Variants in ZNF516 observed in about 807,000 individuals in gnomAD.
The protein encoded by ZNF516 is zinc finger protein 516.
ZNF516 carries 19 observed loss-of-function variants against 79.7 expected under a neutral mutation model. The observed-to-expected ratio is 0.24, with a 90% CI of 0.17 to 0.35. The LOEUF (loss-of-function observed/expected upper bound fraction) is 0.35. ZNF516 is among the 10% of genes least tolerant of loss of function. The probability of loss-of-function intolerance (pLI) is 1.00; values close to 1 mark genes in which losing one functional copy is unlikely to be tolerated. For missense variants in ZNF516, 1,678 were observed against 1,679.5 expected, an observed-to-expected ratio of 1.00 and a Z score of 0.02; for synonymous variants, 877 against 739.5, an observed-to-expected ratio of 1.19 and a Z score of -3.02.
intron 5 of ZNF516, 65 bp downstream of exon 5, chr18:76,371,402 C>A: frequency 1.2e-5 from 17 of 1,465,228 alleles, no homozygotes; most frequent in Non-Finnish European, 1.6e-5. Context: ...GATGGTCAAG[C>A]CACTGACAGA....
chr18:76,492,102 G>A (rs1006142067), intron 1 of ZNF516: 12 of 941,296 alleles, frequency 1.3e-5, no homozygotes, highest in Non-Finnish European at 1.5e-5. Context: ...CTCCCTGCAG[G>A]GGTCTCCGGG....
At chr18:76,371,126 G>A (rs997831940) in intron 5 of ZNF516, among the ~76,000 whole-genome samples, 4 of 152,216 alleles carry the variant, frequency 2.6e-5, no homozygotes, top group Non-Finnish European at 5.9e-5. Context: ...CCAAGCCTAC[G>A]CTGTGCTAAA....
intron 1 of ZNF516, among the ~76,000 whole-genome samples, chr18:76,482,953 T>C (rs140122096): frequency 6.6e-6 from 1 of 152,328 alleles, no homozygotes; most frequent in African/African-American, 2.4e-5. Flanking sequence ...CAAAATCACC[T>C]AGTATATAGG....
At chr18:76,462,386 C>A (rs1216505193) in intron 2 of ZNF516, among the ~76,000 whole-genome samples, 1 of 152,258 alleles carries the variant, frequency 6.6e-6, no homozygotes, top group Non-Finnish European at 1.5e-5. Flanking sequence ...CAGTCCAACA[C>A]AGGCACTCCT....
At chr18:76,432,489 G>A (rs759692455) in intron 3 of ZNF516, among the ~76,000 whole-genome samples, 1 of 152,234 alleles carries the variant, frequency 6.6e-6, no homozygotes, top group Non-Finnish European at 1.5e-5. Flanking sequence ...CCTCACCTGA[G>A]CTGAAACAGA....
rs2075245719 is a variant in ZNF516, at chr18:76,402,554, GA to G, written c.1811-22252del. ...CAGGCTGTCTGAGGCCCCTGCGGGG[GA>G]CAGAGGAAGACGTTGCTTCTCCAAG... On this transcript the variant is annotated intron_variant, in intron 3 of 6. Transcript: ENST00000443185. 1.3e-5 allele frequency among the ~76,000 whole-genome samples: 2 copies of G among 152,334 alleles called. 1 individual carries two copies. The highest frequency in any genetic ancestry group is 4.8e-5 in the African/African-American group (2 of 41,580).
chr18:76,391,300 G>T (rs1001804052), intron 3 of ZNF516, among the ~76,000 whole-genome samples: 9 of 151,966 alleles, frequency 5.9e-5, no homozygotes, highest in African/African-American at 2.2e-4. Context: ...CCTAGCCATA[G>T]CAGTAGCAAT....
At chr18:76,470,394 T>C (rs1197808775) in intron 1 of ZNF516, among the ~76,000 whole-genome samples, 2 of 152,222 alleles carry the variant, frequency 1.3e-5, no homozygotes, top group African/African-American at 4.8e-5. Flanking sequence ...AGAGCTACTC[T>C]TTCTGCACTA....
In ZNF516 at chr18:76,361,376, T is replaced by C. The variant is rs1268086483; in HGVS notation, c.*1122A>G. The C allele has an allele frequency of 1.3e-5, 2 of 152,238 alleles. No individual in the cohort carries two copies. The highest frequency in any genetic ancestry group is 3.8e-4 in the East Asian group (2 of 5,198). The allele number at this position is 152,238 out of a possible 1,614,324, so 9.4% of individuals were successfully genotyped here. On this transcript the variant is annotated 3_prime_UTR_variant, in exon 7 of 7. Coordinates refer to ENST00000443185, the MANE Select transcript of ZNF516 (RefSeq NM_014643.4). Reference sequence around the variant, plus strand: ...CATTTGCATTACTGAGGAAGAGGTATATGAAGCCGTCCCCCACCCAAGGGG... The same window carrying C: ...CATTTGCATTACTGAGGAAGAGGTACATGAAGCCGTCCCCCACCCAAGGGG...
At chr18:76,391,387 A>G (rs1173072954) in intron 3 of ZNF516, among the ~76,000 whole-genome samples, 1 of 152,120 alleles carries the variant, frequency 6.6e-6, no homozygotes, top group East Asian at 1.9e-4. Context: ...CCGTGAACCA[A>G]CCATAACCCT....
intron 1 of ZNF516, among the ~76,000 whole-genome samples, chr18:76,475,055 C>T (rs1234150752): frequency 6.6e-6 from 1 of 152,168 alleles, no homozygotes; most frequent in Non-Finnish European, 1.5e-5. Flanking sequence ...AGAAACAACT[C>T]ATATATAGGC....
chr18:76,406,344 T>C (rs1480545465), intron 3 of ZNF516, among the ~76,000 whole-genome samples: 15 of 152,040 alleles, frequency 9.9e-5, no homozygotes, highest in Admixed American at 7.9e-4. Context: ...GACAGGAGGA[T>C]CACGAGATCA....
intron 3 of ZNF516, among the ~76,000 whole-genome samples, chr18:76,421,059 C>T (rs1266233683): frequency 6.6e-6 from 1 of 152,234 alleles, no homozygotes; most frequent in Non-Finnish European, 1.5e-5. Flanking sequence ...CAATTTCTAA[C>T]AGCTCCTGCC....
intron 2 of ZNF516, among the ~76,000 whole-genome samples, chr18:76,448,669 T>C (rs1048056214): frequency 1.3e-5 from 2 of 152,142 alleles, no homozygotes; most frequent in African/African-American, 2.4e-5. Context: ...GCAGGCTCCT[T>C]AGAGGTGTTC....
At chr18:76,436,702 C>A (rs2075742437) in intron 3 of ZNF516, among the ~76,000 whole-genome samples, 1 of 152,134 alleles carries the variant, frequency 6.6e-6, no homozygotes. Context: ...AGACACCCCT[C>A]CCAGCTCACC....
At chr18:76,438,496 G>T (rs757886392) in intron 3 of ZNF516, among the ~76,000 whole-genome samples, 11 of 152,118 alleles carry the variant, frequency 7.2e-5, no homozygotes, top group Non-Finnish European at 1.3e-4. Context: ...TTTCTCAGTG[G>T]AGGATTTAAA....
rs529822706 is a variant in ZNF516 at position 76,459,358 on chromosome 18, A to G, written c.-158+3670T>C. ...GGCCACCATCCACTCAACATCATTG[A>G]GCCCTCCCACAGGCACCCAAGCTCT... On this transcript the variant is annotated intron_variant, in intron 2 of 6. Coordinates refer to ENST00000443185, the MANE Select transcript of ZNF516 (RefSeq NM_014643.4). This position sits in a 1 kb window ranked among gnomAD's most constrained non-coding sequence, Gnocchi z 5.0. Among the ~76,000 whole-genome samples the G allele has an allele frequency of 1.3e-5, 2 of 152,258 alleles. No homozygotes were observed. Among genetic ancestry groups the G allele is most frequent in the East Asian group, 3.9e-4 (2 of 5,168 alleles).
At chr18:76,435,590 G>C (rs1031566316) in intron 3 of ZNF516, among the ~76,000 whole-genome samples, 2 of 152,208 alleles carry the variant, frequency 1.3e-5, no homozygotes, top group African/African-American at 4.8e-5. Context: ...GCATGTGACT[G>C]TCAACTACAT....
At chr18:76,395,731 G>A (rs139067057) in intron 3 of ZNF516, among the ~76,000 whole-genome samples, 1,946 of 151,656 alleles carry the variant, frequency 0.013, 38 homozygotes, top group African/African-American at 0.044. Context: ...AAAACAAGAC[G>A]CACCAGCACG....
Sources: gnomAD v4.1 joint callset for allele counts (sites outside exome capture counted in the v4.1 genomes callset) on GRCh38, gnomAD v4.1.1 for gene constraint, Gnocchi (gnomAD v3.1) non-coding constraint, MANE v1.5 for transcripts, NCBI Gene and HGNC (gene_info 2026-07-23, HGNC 2026-07-21) for gene names.